FARP2: variants seen among roughly 807,000 people sequenced by gnomAD.
FARP2 encodes the protein FERM, ARH/RhoGEF and pleckstrin domain protein 2, also known as FERM, ARHGEF and pleckstrin domain-containing protein 2.
Under a neutral mutation model 130.5 loss-of-function variants are expected in FARP2, and 111 were observed. The observed-to-expected ratio is 0.85, with a 90% confidence interval of 0.73 to 1.00. The LOEUF (loss-of-function observed/expected upper bound fraction) is 1.00. Ranked by LOEUF, FARP2 falls within the 50% of genes least tolerant of loss-of-function variation. The pLI is 0.00. For synonymous variants in FARP2, 504 were observed against 516.9 expected, an observed-to-expected ratio of 0.98 and a Z score of 0.34; for missense variants, 1,385 against 1,346.3, an observed-to-expected ratio of 1.03 and a Z score of -0.45.
intron 17 of FARP2, among the ~76,000 whole-genome samples, chr2:241,464,876 T>C (rs1474224820): frequency 6.6e-6 from 1 of 151,984 alleles, no homozygotes; most frequent in Non-Finnish European, 1.5e-5. Flanking sequence ...CTCAGGGCAA[T>C]GTCCAGGGCC....
Position 241,403,852 on chromosome 2 carries a change from C to CTG in FARP2, c.209_210dup (p.Thr71Ter). 1 of 1,613,386 alleles carries CTG rather than the reference C, an allele frequency of 6.2e-7. No homozygotes were observed. The highest frequency in any genetic ancestry group is 8.5e-7 in the Non-Finnish European group (1 of 1,179,346). ...GCCTAAATGCGATGGCCAGGTATTA[C>CTG]TGACACAAGTGTGGAAGCGTTTAAA... On this transcript the variant is annotated frameshift_variant, in exon 3 of 27. Transcript: ENST00000264042. LOFTEE classifies it high-confidence loss of function.
At chr2:241,381,689 G>A (rs534736327) in intron 2 of FARP2, among the ~76,000 whole-genome samples, 1 of 152,342 alleles carries the variant, frequency 6.6e-6, no homozygotes, top group South Asian at 2.1e-4. Context: ...CCAGAGAGCT[G>A]ATGGTAGAAT....
intron 1 of FARP2, among the ~76,000 whole-genome samples, chr2:241,367,875 CT>C (rs879399426): frequency 7.6e-4 from 110 of 144,256 alleles, no homozygotes; most frequent in Admixed American, 1.7e-3. Flanking sequence ...CTTGGCAGGC[CT>C]TTTTTTTTTT....
chr2:241,476,426 G>C (rs568192380), intron 19 of FARP2, among the ~76,000 whole-genome samples: 1 of 152,030 alleles, frequency 6.6e-6, no homozygotes, highest in Non-Finnish European at 1.5e-5. Flanking sequence ...AGTGGCTCAC[G>C]CCTGTAATCC....
chr2:241,473,553 C>T (rs375153891), intron 18 of FARP2, among the ~76,000 whole-genome samples: 4 of 152,198 alleles, frequency 2.6e-5, no homozygotes, highest in East Asian at 1.9e-4. Flanking sequence ...AGCTGCCAGT[C>T]CCTACCGAGG....
chr2:241,377,264 G>C (rs1487706841), intron 2 of FARP2, among the ~76,000 whole-genome samples: 1 of 151,414 alleles, frequency 6.6e-6, no homozygotes, highest in African/African-American at 2.4e-5. Flanking sequence ...GATTCCCCAA[G>C]TTGATATTGG....
chr2:241,454,287 ACTT>A (rs1324128223), intron 13 of FARP2, among the ~76,000 whole-genome samples: 1 of 152,100 alleles, frequency 6.6e-6, no homozygotes, highest in Non-Finnish European at 1.5e-5. Flanking sequence ...GTTGGACTGT[ACTT>A]CTCTGAGTGA....
At chr2:241,423,934 A>G (rs566534101) in intron 8 of FARP2, among the ~76,000 whole-genome samples, 28 of 152,360 alleles carry the variant, frequency 1.8e-4, no homozygotes, top group African/African-American at 6.3e-4. Flanking sequence ...TGCACCCAAT[A>G]CAGGAGCCCC....
intron 2 of FARP2, among the ~76,000 whole-genome samples, chr2:241,388,956 G>A (rs2061848013): frequency 6.6e-6 from 1 of 152,180 alleles, no homozygotes; most frequent in South Asian, 2.1e-4. Flanking sequence ...TGAGGGTGGA[G>A]CCCTCACGAG....
At chr2:241,478,452 G>C in intron 19 of FARP2, 1 of 266,804 alleles carries the variant, frequency 3.7e-6, no homozygotes, top group South Asian at 4.1e-5. Flanking sequence ...CTCAACATTG[G>C]TGGCACCTAC....
intron 21 of FARP2, among the ~76,000 whole-genome samples, chr2:241,484,843 T>C (rs973471260): frequency 1.3e-5 from 2 of 152,180 alleles, no homozygotes; most frequent in Non-Finnish European, 1.5e-5. Context: ...GGGGAGACTT[T>C]CATGCAGCTC....
chr2:241,437,092 A>G (rs929409), intron 12 of FARP2, among the ~76,000 whole-genome samples: 25,453 of 151,664 alleles, frequency 0.17, 2,529 homozygotes, highest in East Asian at 0.41. Flanking sequence ...CTTACTAACT[A>G]TGTTTTTAGC....
chr2:241,360,761 A>C (rs1041943808), intron 1 of FARP2, among the ~76,000 whole-genome samples: 1 of 152,190 alleles, frequency 6.6e-6, no homozygotes, highest in African/African-American at 2.4e-5. Flanking sequence ...TAAATTGAGA[A>C]AAATAACGTT....
chr2:241,450,863 A>AATCGT (rs2063638009), intron 13 of FARP2, among the ~76,000 whole-genome samples: 1 of 151,970 alleles, frequency 6.6e-6, no homozygotes, highest in Non-Finnish European at 1.5e-5. Context: ...AAGGCCTGAG[A>AATCGT]ATCGTTTGAA....
rs779560007 is a variant in FARP2 at position 241,489,926 on chromosome 2, T to C, written c.2422-36T>C. The stretch of plus-strand genomic sequence containing the variant: ...CAGGCTTAGGCTGTCAGTTCCTTCT[T>C]GGCCACAAGACTTGGACCGTTTCTC... On this transcript the variant is annotated intron_variant, in intron 21 of 26. Coordinates refer to ENST00000264042, the MANE Select transcript of FARP2 (RefSeq NM_014808.4). The C allele has an allele frequency of 1.0e-4, 152 of 1,453,934 alleles. No individual in the cohort carries two copies. In the Admixed American group the frequency reaches 2.5e-3, roughly 24 times the overall value. The allele number at this position is 1,453,934 out of a possible 1,614,324, so 90.1% of individuals were successfully genotyped here.
intron 2 of FARP2, among the ~76,000 whole-genome samples, chr2:241,401,820 T>G (rs1294919175): frequency 6.6e-6 from 1 of 152,104 alleles, no homozygotes; most frequent in Non-Finnish European, 1.5e-5. Context: ...GTTTCGCTCG[T>G]CGCCCAGGCT....
chr2:241,453,057 C>T (rs1011853663), intron 13 of FARP2, among the ~76,000 whole-genome samples: 7 of 152,034 alleles, frequency 4.6e-5, no homozygotes, highest in African/African-American at 9.7e-5. Flanking sequence ...AGGGCCGGAG[C>T]GGTGGCTCAC....
At chr2:241,396,897 C>A (rs1389408256) in intron 2 of FARP2, among the ~76,000 whole-genome samples, 1 of 152,112 alleles carries the variant, frequency 6.6e-6, no homozygotes. Context: ...GTGTTTCTTG[C>A]GGCACTATTC....
At chr2:241,481,411 CAT>C (rs1475350217) in intron 19 of FARP2, among the ~76,000 whole-genome samples, 1 of 152,224 alleles carries the variant, frequency 6.6e-6, no homozygotes, top group African/African-American at 2.4e-5. Flanking sequence ...TCTGCACACA[CAT>C]GTTCATTGAA....
Sources: gnomAD v4.1 joint callset for allele counts (sites outside exome capture counted in the v4.1 genomes callset) on GRCh38, gnomAD v4.1.1 for gene constraint, MANE v1.5 for transcripts, NCBI Gene and HGNC (gene_info 2026-07-23, HGNC 2026-07-21) for gene names.